The following SMAP2 variants were observed in gnomAD, a reference collection of about 807,000 sequenced individuals.
SMAP2 encodes small ArfGAP2.
Under a neutral mutation model 56.4 loss-of-function variants are expected in SMAP2, and 25 were observed. The ratio of observed to expected loss-of-function variants is 0.44; its 90% confidence interval spans 0.32 to 0.62. SMAP2 has a LOEUF of 0.62. Among genes scored for constraint, SMAP2 ranks in the 20% least tolerant of loss-of-function variants. The pLI, the probability that SMAP2 is intolerant of heterozygous loss-of-function variation, is 0.04. For missense variants in SMAP2, 388 were observed against 545.6 expected (o/e 0.71, Z 2.88); for synonymous variants, 157 against 181.7 (o/e 0.86, Z 1.09).
At chr1:40,362,757 C>A (rs1421930979) in intron 2 of SMAP2, among the ~76,000 whole-genome samples, 1 of 152,094 alleles carries the variant, frequency 6.6e-6, no homozygotes, top group Non-Finnish European at 1.5e-5. Flanking sequence ...GTCAGTTATA[C>A]TTGCTCTGTC....
chr1:40,403,016 A>G (rs1394259484), intron 1 of SMAP2, among the ~76,000 whole-genome samples: 1 of 152,162 alleles, frequency 6.6e-6, no homozygotes, highest in Non-Finnish European at 1.5e-5. Context: ...GGGGGTGTGT[A>G]GCAGAGAAAG....
intron 1 of SMAP2, among the ~76,000 whole-genome samples, chr1:40,381,489 T>C (rs1235074666): frequency 6.6e-6 from 1 of 152,176 alleles, no homozygotes. Context: ...TAGGGAACTT[T>C]GTATTCTAGG....
intron 1 of SMAP2, among the ~76,000 whole-genome samples, chr1:40,352,421 T>G (rs1278160454): frequency 6.6e-6 from 1 of 152,220 alleles, no homozygotes; most frequent in Non-Finnish European, 1.5e-5. Context: ...GTTCTCCTCC[T>G]TGATTGCTCG....
chr1:40,418,445 GA>G (rs1278284233), intron 9 of SMAP2, among the ~76,000 whole-genome samples: 1 of 152,056 alleles, frequency 6.6e-6, no homozygotes, highest in African/African-American at 2.4e-5. Context: ...AAGAAATAAA[GA>G]CAAAATAAAT....
At chr1:40,354,319 T>G (rs556236018) in intron 1 of SMAP2, among the ~76,000 whole-genome samples, 19 of 152,004 alleles carry the variant, frequency 1.2e-4, no homozygotes, top group Non-Finnish European at 1.8e-4. Flanking sequence ...AATAGTAAGA[T>G]TGTGAGTTTT....
chr1:40,409,868 A>G, intron 4 of SMAP2, 33 bp downstream of exon 4: 1 of 1,338,990 alleles, frequency 7.5e-7, no homozygotes, highest in Non-Finnish European at 1.1e-6. Context: ...TTTGTCCACA[A>G]TAAGTAATGT....
chr1:40,406,707 C>G (rs929742671), intron 1 of SMAP2, 29 bp from the exon 2 acceptor site: 1 of 1,581,344 alleles, frequency 6.3e-7, no homozygotes, highest in African/African-American at 1.4e-5. Context: ...GTAATTTGTA[C>G]TTTATTGCCC....
chr1:40,412,132 A>G lies in SMAP2; in HGVS notation c.403-884A>G, dbSNP rs1243766081. On this transcript the variant is annotated intron_variant, in intron 4 of 9. Coordinates refer to ENST00000372718, the MANE Select transcript of SMAP2 (RefSeq NM_022733.3). Reference sequence around the variant, plus strand: ...TAAATGTTATTTAATTTTTTTTAGCATAAATAATTCTGGGGTGAACTTGGT... The same window carrying G: ...TAAATGTTATTTAATTTTTTTTAGCGTAAATAATTCTGGGGTGAACTTGGT... Among the ~76,000 whole-genome samples, 3 of 152,196 alleles carry G rather than the reference A, an allele frequency of 2.0e-5. No homozygotes were observed. The East Asian group carries it at 5.8e-4, about 29-fold the overall frequency.
chr1:40,361,972 C>A (rs1265621961), intron 1 of SMAP2, among the ~76,000 whole-genome samples: 1 of 152,098 alleles, frequency 6.6e-6, no homozygotes, highest in Non-Finnish European at 1.5e-5. Flanking sequence ...AAAGAAGGGA[C>A]CATTTTGTAA....
intron 1 of SMAP2, chr1:40,393,286 A>C (rs2124282425): frequency 1.3e-6 from 2 of 1,490,258 alleles, no homozygotes; most frequent in South Asian, 2.6e-5. Context: ...TAGCTTGGGC[A>C]ACAAAGCAAC....
At chr1:40,404,913 T>A (rs1644871189) in intron 1 of SMAP2, among the ~76,000 whole-genome samples, 1 of 152,198 alleles carries the variant, frequency 6.6e-6, no homozygotes, top group Non-Finnish European at 1.5e-5. Context: ...GCGGACCAAC[T>A]ATGTAAATCC....
chr1:40,400,614 C>T (rs1381059714), intron 1 of SMAP2, among the ~76,000 whole-genome samples: 4 of 151,774 alleles, frequency 2.6e-5, no homozygotes, highest in African/African-American at 4.8e-5. Context: ...TTCTGACTGA[C>T]GCAATGGAAT....
intron 1 of SMAP2, among the ~76,000 whole-genome samples, chr1:40,389,239 C>T (rs1394130091): frequency 6.6e-6 from 1 of 152,204 alleles, no homozygotes; most frequent in Non-Finnish European, 1.5e-5. Context: ...TTCACTTAAA[C>T]TTAGTCCTCT....
intron 9 of SMAP2, among the ~76,000 whole-genome samples, chr1:40,421,457 C>T (rs1443136125): frequency 6.6e-6 from 1 of 151,890 alleles, no homozygotes; most frequent in African/African-American, 2.4e-5. Context: ...AGTCTTCCCC[C>T]GCCCCCGCCC....
intron 1 of SMAP2, among the ~76,000 whole-genome samples, chr1:40,359,636 C>G (rs1644451082): frequency 6.6e-6 from 1 of 151,926 alleles, no homozygotes; most frequent in Non-Finnish European, 1.5e-5. Flanking sequence ...AGGTGGTTTT[C>G]TCTGGTGGTA....
chr1:40,416,531 G>T (rs948584321), intron 8 of SMAP2, among the ~76,000 whole-genome samples, 190 bp downstream of exon 8: 3 of 152,180 alleles, frequency 2.0e-5, no homozygotes, highest in Non-Finnish European at 4.4e-5. Flanking sequence ...TGTGGAGTCT[G>T]GGGTCACAAT....
intron 1 of SMAP2, among the ~76,000 whole-genome samples, chr1:40,346,186 G>C (rs1386216828): frequency 1.3e-5 from 2 of 151,174 alleles, no homozygotes; most frequent in Non-Finnish European, 2.9e-5. Context: ...GCTAGATGAC[G>C]ATGAAAATGC....
In SMAP2 at chr1:40,363,503, T is replaced by TA. The variant is rs759023871; in HGVS notation, c.55+1078dup. Among the ~76,000 whole-genome samples the TA allele has an allele frequency of 1.0e-3, 152 of 147,962 alleles. 1 individual carries two copies. Among genetic ancestry groups the TA allele is most frequent in the Middle Eastern group, 3.5e-3 (1 of 284 alleles). ...CATGTTTTTACTTTGATTTAAAACTTAAAAAAAAAAATCTAATATCTAGGA... is the reference window on the plus strand; with the variant it reads ...CATGTTTTTACTTTGATTTAAAACTTAAAAAAAAAAAATCTAATATCTAGGA... On this transcript the variant is annotated intron_variant, in intron 2 of 6. Transcript: ENST00000435168.
At chr1:40,402,262 C>T (rs539263919) in intron 1 of SMAP2, among the ~76,000 whole-genome samples, 1 of 152,166 alleles carries the variant, frequency 6.6e-6, no homozygotes, top group Non-Finnish European at 1.5e-5. Flanking sequence ...GATACATTCA[C>T]ATAATGTGTA....
Sources: allele counts gnomAD v4.1 joint callset (sites outside exome capture counted in the v4.1 genomes callset), GRCh38; gene constraint gnomAD v4.1.1; transcripts MANE v1.5; gene names NCBI Gene and HGNC (gene_info 2026-07-23, HGNC 2026-07-21).